MAPK4: variants seen among roughly 807,000 people sequenced by gnomAD.
MAPK4 encodes mitogen-activated protein kinase 4.
In MAPK4, 22 loss-of-function variants were observed where a neutral mutation model predicts 47.7. That is an observed-to-expected ratio of 0.46 (90% CI 0.33 to 0.66). The LOEUF is 0.66. MAPK4 is among the 30% of genes least tolerant of loss of function. MAPK4 has a pLI of 0.02. For synonymous variants in MAPK4, 390 were observed against 365.7 expected, an observed-to-expected ratio of 1.07 and a Z score of -0.76; for missense variants, 736 against 831.7, an observed-to-expected ratio of 0.88 and a Z score of 1.42.
At chr18:50,572,259 G>GT (rs1384994575) in intron 1 of MAPK4, among the ~76,000 whole-genome samples, 1 of 152,154 alleles carries the variant, frequency 6.6e-6, no homozygotes, top group Non-Finnish European at 1.5e-5. Flanking sequence ...AGGAGCGAGA[G>GT]TTTTTTACAC....
At position 50,727,423 on chromosome 18, in the gene MAPK4, C is replaced by T. The variant is rs145021592; in HGVS notation, c.1067+1248C>T. ...AGGAGGCACTGAGGGAGGGCCAGGG[C>T]GACGCTGCTATTTTTGGACAGGTTT... On this transcript the variant is annotated intron_variant, in intron 5 of 5. Coordinates refer to ENST00000400384, the MANE Select transcript of MAPK4 (RefSeq NM_002747.4). 1.4e-3 allele frequency among the ~76,000 whole-genome samples: 206 copies of T among 152,236 alleles called. 1 individual carries two copies. The highest frequency in any genetic ancestry group is 2.4e-3 in the Non-Finnish European group (166 of 68,026).
At chr18:50,707,182 T>C (rs1012428222) in intron 2 of MAPK4, among the ~76,000 whole-genome samples, 2 of 152,206 alleles carry the variant, frequency 1.3e-5, no homozygotes, top group Admixed American at 6.5e-5. Flanking sequence ...CCCATACAGA[T>C]AGAAAGGAGC....
chr18:50,621,496 T>C (rs191270263), intron 1 of MAPK4, among the ~76,000 whole-genome samples: 1 of 152,236 alleles, frequency 6.6e-6, no homozygotes, highest in African/African-American at 2.4e-5. Flanking sequence ...GCAGAATTAC[T>C]TGGTGAGATG....
At chr18:50,576,520 A>G (rs2042298548) in intron 1 of MAPK4, among the ~76,000 whole-genome samples, 1 of 152,166 alleles carries the variant, frequency 6.6e-6, no homozygotes. Flanking sequence ...GGATCCAAAA[A>G]TCACCTCTCA....
rs539150681 is a variant in MAPK4, at chr18:50,643,545, C to T, written c.-870-19544C>T. Among the ~76,000 whole-genome samples the T allele has an allele frequency of 2.0e-5, 3 of 152,330 alleles. No homozygotes were observed. The South Asian group carries it at 6.2e-4, about 32-fold the overall frequency. On this transcript the variant is annotated intron_variant, in intron 1 of 5. Transcript: ENST00000400384. The stretch of plus-strand genomic sequence containing the variant: ...CTCTAAATAAAATAAAATAAATTCC[C>T]TCCTCACTAATTCTCATCCCATATC...
intron 3 of MAPK4, among the ~76,000 whole-genome samples, chr18:50,720,874 G>A (rs926900805): frequency 2.0e-5 from 3 of 152,186 alleles, no homozygotes; most frequent in African/African-American, 7.2e-5. Context: ...GTATTCACAT[G>A]TGCTTAGGGC....
intron 1 of MAPK4, among the ~76,000 whole-genome samples, chr18:50,594,495 G>A (rs937087725): frequency 3.3e-5 from 5 of 152,054 alleles, no homozygotes; most frequent in African/African-American, 9.7e-5. Context: ...CAGTTGATTC[G>A]ACAGGAAAGG....
At chr18:50,563,631 C>A (rs577378950) in intron 1 of MAPK4, among the ~76,000 whole-genome samples, 1 of 152,152 alleles carries the variant, frequency 6.6e-6, no homozygotes, top group South Asian at 2.1e-4. Context: ...TTCTTCAAGG[C>A]CAAGAATGTG....
At chr18:50,646,380 G>A (rs1421667153) in intron 1 of MAPK4, among the ~76,000 whole-genome samples, 4 of 152,208 alleles carry the variant, frequency 2.6e-5, no homozygotes, top group Non-Finnish European at 5.9e-5. Context: ...ACCCTTGGCT[G>A]TTTTCTGGTG....
At chr18:50,646,819 C>T (rs1280944432) in intron 1 of MAPK4, among the ~76,000 whole-genome samples, 2 of 152,196 alleles carry the variant, frequency 1.3e-5, no homozygotes, top group Non-Finnish European at 2.9e-5. Flanking sequence ...ACAGACTTCT[C>T]GAGGTCATGG....
intron 1 of MAPK4, among the ~76,000 whole-genome samples, chr18:50,584,855 A>G (rs2042375591): frequency 6.6e-6 from 1 of 152,258 alleles, no homozygotes; most frequent in Non-Finnish European, 1.5e-5. Flanking sequence ...ATGCTAGTCA[A>G]CATAAACTGT....
At chr18:50,585,338 C>A (rs1287682892) in intron 1 of MAPK4, among the ~76,000 whole-genome samples, 1 of 152,160 alleles carries the variant, frequency 6.6e-6, no homozygotes, top group Admixed American at 6.5e-5. Context: ...TGCTACTATA[C>A]ACATTCATCC....
chr18:50,682,890 G>A (rs1908665901), intron 2 of MAPK4, among the ~76,000 whole-genome samples: 1 of 152,150 alleles, frequency 6.6e-6, no homozygotes, highest in Non-Finnish European at 1.5e-5. Context: ...AGTCACCACT[G>A]GGCAATAAAA....
chr18:50,654,677 G>A (rs1399806424), intron 1 of MAPK4, among the ~76,000 whole-genome samples: 1 of 152,226 alleles, frequency 6.6e-6, no homozygotes, highest in East Asian at 1.9e-4. Context: ...GCACACTTGT[G>A]GACCAGAAGC....
At chr18:50,629,471 G>T (rs998464976) in intron 1 of MAPK4, 7 of 152,390 alleles carry the variant, frequency 4.6e-5, no homozygotes, top group Non-Finnish European at 7.3e-5. Context: ...CAACAGTGGA[G>T]CACTCTGTGG....
At chr18:50,587,639 A>T (rs1198758811) in intron 1 of MAPK4, among the ~76,000 whole-genome samples, 1 of 152,146 alleles carries the variant, frequency 6.6e-6, no homozygotes, top group East Asian at 1.9e-4. Context: ...TTAAAGACTA[A>T]CTTCCCAAGA....
chr18:50,663,439 G>A lies in MAPK4; in HGVS notation c.-520G>A, dbSNP rs1301116302. On this transcript the variant is annotated 5_prime_UTR_variant, in exon 2 of 6. The change creates a premature stop within an existing upstream ORF in the 5' untranslated region. Transcript: ENST00000400384. ...TTGATGGGATCCCTGCATACTGCTT[G>A]GAACACAGAAAGAGGCTGTGACACA... 6.5e-6 allele frequency: 1 copy of A among 152,674 alleles called. No individual in the cohort carries two copies. The highest frequency in any genetic ancestry group is 2.4e-5 in the African/African-American group (1 of 41,432). 9.5% of individuals were successfully genotyped at this position (152,674 alleles called of 1,614,324 possible).
intron 1 of MAPK4, among the ~76,000 whole-genome samples, chr18:50,633,640 C>G (rs1291071028): frequency 6.6e-6 from 1 of 152,178 alleles, no homozygotes; most frequent in African/African-American, 2.4e-5. Context: ...ACACTTTGAT[C>G]TAAGGCTCAG....
chr18:50,573,985 A>G (rs11873590), intron 1 of MAPK4, among the ~76,000 whole-genome samples: 40,033 of 152,110 alleles, frequency 0.26, 5,325 homozygotes, highest in South Asian at 0.32. Context: ...TGATATAGTT[A>G]CTACCTGCTT....
Sources: gnomAD v4.1 joint callset for allele counts (sites outside exome capture counted in the v4.1 genomes callset) on GRCh38, gnomAD v4.1.1 for gene constraint, MANE v1.5 for transcripts, NCBI Gene and HGNC (gene_info 2026-07-23, HGNC 2026-07-21) for gene names.